Variants in FRAS1 observed in about 807,000 individuals in gnomAD.
FRAS1 encodes the protein Fraser extracellular matrix complex subunit 1.
FRAS1 carries 290 observed loss-of-function variants against 435.2 expected under a neutral mutation model. That is an observed-to-expected ratio of 0.67 (90% CI 0.61 to 0.73). The LOEUF (loss-of-function observed/expected upper bound fraction) is 0.73, where lower values mean the gene tolerates loss of function less well. Among genes scored for constraint, FRAS1 ranks in the 30% least tolerant of loss-of-function variants. The pLI, the probability that FRAS1 is intolerant of heterozygous loss-of-function variation, is 0.00. For missense variants in FRAS1, 4,860 were observed against 5,001.5 expected (o/e 0.97, Z 0.85); for synonymous variants, 1,800 against 1,851.0 (o/e 0.97, Z 0.71).
chr4:78,105,260 G>T (rs540680870), intron 2 of FRAS1, among the ~76,000 whole-genome samples: 5 of 152,292 alleles, frequency 3.3e-5, no homozygotes, highest in Non-Finnish European at 7.4e-5. Flanking sequence ...GATTTTACCT[G>T]ACATATTTCT....
intron 10 of FRAS1, among the ~76,000 whole-genome samples, chr4:78,279,587 G>A (rs1727228431): frequency 6.6e-6 from 1 of 152,052 alleles, no homozygotes; most frequent in Admixed American, 6.5e-5. Flanking sequence ...AGCAGTGACT[G>A]GATTTTGTTT....
At chr4:78,516,229 A>C (rs1399405980) in intron 66 of FRAS1, among the ~76,000 whole-genome samples, 1 of 152,256 alleles carries the variant, frequency 6.6e-6, no homozygotes, top group African/African-American at 2.4e-5. Context: ...GAAAAAACTT[A>C]CTGTCTGGCA....
At chr4:78,322,156 G>A (rs184130088) in intron 18 of FRAS1, among the ~76,000 whole-genome samples, 159 of 152,304 alleles carry the variant, frequency 1.0e-3, no homozygotes, top group Non-Finnish European at 1.8e-3. Flanking sequence ...TTACCTGAGT[G>A]TTATGTGTGC....
chr4:78,057,561 T>TC lies in FRAS1; in HGVS notation c.-449_-448insC. The TC allele has an allele frequency of 1.2e-5, 2 of 162,420 alleles. No individual in the cohort carries two copies. The highest frequency in any genetic ancestry group is 2.7e-5 in the Non-Finnish European group (2 of 74,948). The allele number at this position is 162,420 out of a possible 1,614,324, so 10.1% of individuals were successfully genotyped here. A position where few individuals can be genotyped will look rare whatever the true frequency, so the allele number is the denominator to read the frequency against. On this transcript the variant is annotated 5_prime_UTR_variant, in exon 1 of 74. It introduces an in-frame stop codon into an upstream open reading frame of the 5' UTR. Coordinates refer to ENST00000512123, the MANE Select transcript of FRAS1 (RefSeq NM_025074.7). This position sits in a 1 kb window ranked among gnomAD's most constrained non-coding sequence, Gnocchi z 4.2. ...GTGCCGACGCAACGCCGACGTATGG[T>TC]GCCAAGCGAACTTTAAAAAGCTGCT...
chr4:78,483,646 G>A (rs887258140), intron 58 of FRAS1, among the ~76,000 whole-genome samples: 2 of 151,324 alleles, frequency 1.3e-5, no homozygotes, highest in African/African-American at 4.9e-5. Context: ...ATGGCAAAAA[G>A]CGTATACTAT....
chr4:78,163,014 G>A (rs1721201381), intron 2 of FRAS1, among the ~76,000 whole-genome samples: 1 of 152,182 alleles, frequency 6.6e-6, no homozygotes. Flanking sequence ...ACCATGCGGG[G>A]CTAGACGCCT....
rs72864569 is a variant in FRAS1, at chr4:78,284,654, T to C, written c.1399+106T>C. On this transcript the variant is annotated intron_variant, in intron 13 of 73. Coordinates refer to ENST00000512123, the MANE Select transcript of FRAS1 (RefSeq NM_025074.7). ...CTCAGTATTGTCAAGGAGGGGGTCA[T>C]GCATGCAGCATGTTTTTGAGATGCA... 2,570 of 1,023,688 alleles carry C rather than the reference T, an allele frequency of 2.5e-3. 29 individuals are homozygous for C. In the African/African-American group the frequency reaches 0.037, roughly 15 times the overall value. The allele number at this position is 1,023,688 out of a possible 1,614,324, so 63.4% of individuals were successfully genotyped here.
rs539778983 is a variant in FRAS1 at position 78,466,636 on chromosome 4, A to G, written c.7257+201A>G. On this transcript the variant is annotated intron_variant, in intron 50 of 73. Transcript: ENST00000512123. ...ATTATCTGCTTCAAATAGTTGGTTT[A>G]AGGATCCAAGGAGGTAATCCACATA... 1.4e-4 allele frequency among the ~76,000 whole-genome samples: 22 copies of G among 152,310 alleles called. No individual in the cohort carries two copies. The East Asian group carries it at 3.9e-3, about 27-fold the overall frequency.
At chr4:78,112,262 GA>G (rs935505099) in intron 2 of FRAS1, among the ~76,000 whole-genome samples, 6 of 152,016 alleles carry the variant, frequency 3.9e-5, no homozygotes, top group African/African-American at 1.4e-4. Context: ...AAAGCTAGCT[GA>G]AAAAAATGAA....
chr4:78,077,542 A>C (rs928295301), intron 2 of FRAS1, among the ~76,000 whole-genome samples: 1 of 152,150 alleles, frequency 6.6e-6, no homozygotes, highest in Non-Finnish European at 1.5e-5. Context: ...TTATCACCAG[A>C]ATAATGTGCA....
intron 29 of FRAS1, among the ~76,000 whole-genome samples, chr4:78,398,513 A>T (rs1159179220): frequency 6.6e-6 from 1 of 152,198 alleles, no homozygotes; most frequent in East Asian, 1.9e-4. Context: ...GCCAAGATGG[A>T]GATATAGTGG....
intron 2 of FRAS1, among the ~76,000 whole-genome samples, chr4:78,224,329 T>C (rs1724179234): frequency 6.6e-6 from 1 of 152,236 alleles, no homozygotes; most frequent in African/African-American, 2.4e-5. Context: ...AGACGTTCTT[T>C]ATGTTCTTGT....
At chr4:78,299,905 A>ATAACCTGTGGC (rs1437864437) in intron 14 of FRAS1, among the ~76,000 whole-genome samples, 11 of 152,232 alleles carry the variant, frequency 7.2e-5, no homozygotes, top group African/African-American at 2.7e-4. Flanking sequence ...CAGACCTCAG[A>ATAACCTGTGGC]TAACCTGTGG....
rs989095808 is a variant in FRAS1 at position 78,161,760 on chromosome 4, A to G, written c.109-75750A>G. ...TCTGTCTCAAAAAAAAAAAAAAAAA[A>G]AAAAAAAAAAAAGAAAAGAAAAGAA... On this transcript the variant is annotated intron_variant, in intron 2 of 73. Coordinates refer to ENST00000512123, the MANE Select transcript of FRAS1 (RefSeq NM_025074.7). Among the ~76,000 whole-genome samples the G allele has an allele frequency of 4.7e-5, 7 of 147,798 alleles. No individual in the cohort carries two copies. In the East Asian group the frequency reaches 1.2e-3, roughly 25 times the overall value.
Position 78,425,665 on chromosome 4 carries a change from C to T in FRAS1, c.4711+1245C>T, listed in dbSNP as rs1733970262. Among the ~76,000 whole-genome samples, 3 of 152,062 alleles carry T rather than the reference C, an allele frequency of 2.0e-5. No homozygotes were observed. The South Asian group carries it at 6.2e-4, about 32-fold the overall frequency. On this transcript the variant is annotated intron_variant, in intron 35 of 73. Transcript: ENST00000512123. ...ACTGTTGATATGAACCCAGTATCAGCTCATTTCTAGTCATAGGCCTCTACA... is the reference window on the plus strand; with the variant it reads ...ACTGTTGATATGAACCCAGTATCAGTTCATTTCTAGTCATAGGCCTCTACA...
intron 20 of FRAS1, among the ~76,000 whole-genome samples, chr4:78,357,783 G>T (rs373144): frequency 6.6e-5 from 10 of 152,066 alleles, no homozygotes; most frequent in African/African-American, 1.9e-4. Context: ...CACACCTATA[G>T]GTCCAGCTAC....
chr4:78,531,069 G>T lies in FRAS1; in HGVS notation c.10926-3380G>T, dbSNP rs191057146. On this transcript the variant is annotated intron_variant, in intron 70 of 73. Transcript: ENST00000512123. ...AGGTCCTTCACATCCCTTGTAAGTT[G>T]GATTCCTAGGTATTTTATTCTCTTA... 1.7e-4 allele frequency among the ~76,000 whole-genome samples: 26 copies of T among 152,252 alleles called. 1 individual carries two copies. The East Asian group carries it at 4.6e-3, about 27-fold the overall frequency.
intron 2 of FRAS1, among the ~76,000 whole-genome samples, chr4:78,079,363 G>A (rs974294662): frequency 3.3e-5 from 5 of 152,018 alleles, no homozygotes; most frequent in Admixed American, 2.0e-4. Context: ...AGATAGATGG[G>A]GTGGAATCAA....
At position 78,543,088 on chromosome 4, in the gene FRAS1, G is replaced by A. The variant is rs966977032; in HGVS notation, c.*1964G>A. 3.3e-5 allele frequency: 5 copies of A among 152,296 alleles called. No homozygotes were observed. Among genetic ancestry groups the A allele is most frequent in the African/African-American group, 1.2e-4 (5 of 41,554 alleles). 9.4% of individuals were successfully genotyped at this position (152,296 alleles called of 1,614,324 possible). A position where few individuals can be genotyped will look rare whatever the true frequency, so the allele number is the denominator to read the frequency against. On this transcript the variant is annotated 3_prime_UTR_variant, in exon 74 of 74. Transcript: ENST00000512123. Reference sequence around the variant, plus strand: ...CAGGTTTTCAGGAGAGAATGAGTTGGGGTGAGCCCAGAGTCTGAAACTCCT... The same window carrying A: ...CAGGTTTTCAGGAGAGAATGAGTTGAGGTGAGCCCAGAGTCTGAAACTCCT...
Sources: allele counts gnomAD v4.1 joint callset (sites outside exome capture counted in the v4.1 genomes callset), GRCh38; gene constraint gnomAD v4.1.1; non-coding constraint Gnocchi (gnomAD v3.1); transcripts MANE v1.5; gene names NCBI Gene and HGNC (gene_info 2026-07-23, HGNC 2026-07-21).